CHN2: variants seen among roughly 807,000 people sequenced by gnomAD.
CHN2 encodes the protein beta-chimaerin.
CHN2 carries 35 observed loss-of-function variants against 56.3 expected under a neutral mutation model. That is an observed-to-expected ratio of 0.62 (90% CI 0.47 to 0.82). The LOEUF is 0.82. Among genes scored for constraint, CHN2 ranks in the 40% least tolerant of loss-of-function variants. CHN2 has a pLI of 0.00. For missense variants in CHN2, 491 were observed against 580.5 expected (o/e 0.85, Z 1.58); for synonymous variants, 210 against 212.8 (o/e 0.99, Z 0.12).
intron 6 of CHN2, among the ~76,000 whole-genome samples, chr7:29,433,661 A>G (rs1783008636): frequency 6.6e-6 from 1 of 151,922 alleles, no homozygotes; most frequent in African/African-American, 2.4e-5. Context: ...ACATGGCGAA[A>G]CCCCGTCTCT....
In CHN2 at chr7:29,513,839, T is replaced by TATTA. The variant is rs2128608178; in HGVS notation, c.*1105_*1108dup. ...TAGCTCTGTGTGGATAATATGATTT[T>TATTA]ATTACTACAGTTCCAGTCACTTGGT... On this transcript the variant is annotated 3_prime_UTR_variant, in exon 13 of 13. Transcript: ENST00000222792. 1 of 152,788 alleles carries TATTA rather than the reference T, an allele frequency of 6.5e-6. No individual in the cohort carries two copies. Among genetic ancestry groups the TATTA allele is most frequent in the Admixed American group, 6.5e-5 (1 of 15,304 alleles). The allele number at this position is 152,788 out of a possible 1,614,324, so 9.5% of individuals were successfully genotyped here. A position where few individuals can be genotyped will look rare whatever the true frequency, so the allele number is the denominator to read the frequency against.
chr7:29,205,405 G>A (rs1008356624), intron 1 of CHN2, among the ~76,000 whole-genome samples: 1 of 152,116 alleles, frequency 6.6e-6, no homozygotes, highest in African/African-American at 2.4e-5. Flanking sequence ...AGCTCTCAGA[G>A]TTTCTATTTT....
chr7:29,253,539 G>T (rs1788813434), intron 1 of CHN2, among the ~76,000 whole-genome samples: 1 of 152,196 alleles, frequency 6.6e-6, no homozygotes, highest in Non-Finnish European at 1.5e-5. Flanking sequence ...GGGAATTATG[G>T]ATTTGGGGTA....
At chr7:29,246,898 A>G (rs1177216297) in intron 1 of CHN2, among the ~76,000 whole-genome samples, 1 of 152,152 alleles carries the variant, frequency 6.6e-6, no homozygotes, top group Non-Finnish European at 1.5e-5. Context: ...AACACCTTAC[A>G]AGGGCCCCGC....
chr7:29,188,968 A>G (rs1048795221), intron 2 of CHN2, among the ~76,000 whole-genome samples: 9 of 93,522 alleles, frequency 9.6e-5, no homozygotes, highest in African/African-American at 1.4e-4. Context: ...TTTTTTTTTG[A>G]GACAGAATCT....
At position 29,400,787 on chromosome 7, in the gene CHN2, A is replaced by G. The variant is rs769493247; in HGVS notation, c.535A>G (p.Lys179Glu). The change falls in exon 6 of 13, where the codon AAA (lysine) becomes GAA (glutamate). Residue 179 changes from lysine (K) to glutamate (E), a missense_variant. Physicochemically the swap from Lys to Glu is moderately conservative, Grantham distance 56. Transcript: ENST00000222792. ...RLSRSKNEPR[K>E]TNVTHEEHTA... is the part of the protein sequence containing the mutation. ...GAGCAGGTCTAAAAATGAACCAAGA[A>G]AAACAAACGTCACACATGAAGAACA... is the stretch of plus-strand genomic sequence containing the variant. 1.9e-6 allele frequency: 3 copies of G among 1,613,986 alleles called. No homozygotes were observed. Among genetic ancestry groups the G allele is most frequent in the Non-Finnish European group, 2.5e-6 (3 of 1,180,028 alleles).
upstream of CHN2, among the ~76,000 whole-genome samples, chr7:29,190,937 T>C (rs960040765): frequency 9.2e-5 from 13 of 141,860 alleles, no homozygotes; most frequent in African/African-American, 3.5e-4. Context: ...CCCACCATGC[T>C]TTTTTTTTTT....
At chr7:29,233,235 C>G (rs1337794090) in intron 1 of CHN2, among the ~76,000 whole-genome samples, 1 of 152,230 alleles carries the variant, frequency 6.6e-6, no homozygotes, top group African/African-American at 2.4e-5. Context: ...TCACCTAACT[C>G]CTAGGCTGTT....
rs10570363 is a variant in CHN2, at chr7:29,301,342, T to TACACACAC, written c.50-53243_50-53236dup. Among the ~76,000 whole-genome samples the TACACACAC allele has an allele frequency of 1.8e-3, 255 of 141,706 alleles. 1 individual carries two copies. Among genetic ancestry groups the TACACACAC allele is most frequent in the African/African-American group, 6.0e-3 (229 of 38,040 alleles). 93.0% of individuals were successfully genotyped at this position (141,706 alleles called of 152,430 possible). On this transcript the variant is annotated intron_variant, in intron 1 of 12. Transcript: ENST00000222792. The stretch of plus-strand genomic sequence containing the variant: ...ATTTGAAAGCAGGGCCTCAAACAGG[T>TACACACAC]ACACACACACACACACACACACACA...
intron 7 of CHN2, among the ~76,000 whole-genome samples, chr7:29,483,073 G>A (rs1199403575): frequency 6.6e-6 from 1 of 151,746 alleles, no homozygotes; most frequent in Non-Finnish European, 1.5e-5. Flanking sequence ...CGCCCGTCTC[G>A]GCCTCCCAAA....
intron 3 of CHN2, among the ~76,000 whole-genome samples, chr7:29,375,064 A>G (rs183207864): frequency 4.9e-5 from 7 of 141,952 alleles, no homozygotes; most frequent in Admixed American, 2.1e-4. Flanking sequence ...AATTTTTTGT[A>G]TTTTTAGTAG....
intron 6 of CHN2, among the ~76,000 whole-genome samples, chr7:29,457,412 C>T (rs1368194691): frequency 5.3e-5 from 8 of 152,156 alleles, no homozygotes; most frequent in African/African-American, 1.2e-4. Context: ...CAGAGCTCCC[C>T]GTGCCTCTGC....
intron 6 of CHN2, among the ~76,000 whole-genome samples, chr7:29,408,148 C>A (rs1174774862): frequency 6.6e-6 from 1 of 151,744 alleles, no homozygotes; most frequent in Non-Finnish European, 1.5e-5. Context: ...CCAGATCACA[C>A]CACTGCACTC....
At chr7:29,277,691 C>T (rs1791349570) in intron 1 of CHN2, among the ~76,000 whole-genome samples, 1 of 152,202 alleles carries the variant, frequency 6.6e-6, no homozygotes. Context: ...TCATTGCACA[C>T]ATACTGTGGC....
chr7:29,345,628 C>T (rs775048433), intron 1 of CHN2, among the ~76,000 whole-genome samples: 5 of 152,032 alleles, frequency 3.3e-5, no homozygotes, highest in South Asian at 4.2e-4. Context: ...GGATGCTGAC[C>T]GGGGGCCAGA....
chr7:29,322,901 G>A (rs1012448979), intron 1 of CHN2, among the ~76,000 whole-genome samples: 2 of 152,130 alleles, frequency 1.3e-5, no homozygotes, highest in African/African-American at 2.4e-5. Context: ...GGTGGCTCAT[G>A]CCTATAATCC....
At chr7:29,444,521 C>T (rs1783898604) in intron 6 of CHN2, among the ~76,000 whole-genome samples, 1 of 152,196 alleles carries the variant, frequency 6.6e-6, no homozygotes, top group Non-Finnish European at 1.5e-5. Flanking sequence ...CCTTCAGAGT[C>T]TGTCATCCTC....
chr7:29,440,511 C>T lies in CHN2; in HGVS notation c.576+39683C>T, dbSNP rs531221359. Among the ~76,000 whole-genome samples the T allele has an allele frequency of 2.3e-4, 35 of 151,644 alleles. No homozygotes were observed. The South Asian group carries it at 6.1e-3, about 26-fold the overall frequency. On this transcript the variant is annotated intron_variant, in intron 6 of 12. Transcript: ENST00000222792. ...TTCGAGACAAGCCTGACCAACATGG[C>T]GAAACCCCATCTCAACTAAAAATAC...
chr7:29,331,762 C>CTA (rs1239458456), intron 1 of CHN2, among the ~76,000 whole-genome samples: 1 of 152,014 alleles, frequency 6.6e-6, no homozygotes, highest in African/African-American at 2.4e-5. Flanking sequence ...CAATGTTCCC[C>CTA]TAAGAAATAC....
Sources: gnomAD v4.1 joint callset for allele counts (sites outside exome capture counted in the v4.1 genomes callset) on GRCh38, gnomAD v4.1.1 for gene constraint, MANE v1.5 for transcripts, NCBI Gene and HGNC (gene_info 2026-07-23, HGNC 2026-07-21) for gene names.